Variants in NCKAP5 observed in about 807,000 individuals in gnomAD.
NCKAP5 encodes the protein nck-associated protein 5.
In NCKAP5, 92 loss-of-function variants were observed where a neutral mutation model predicts 167.0. That is an observed-to-expected ratio of 0.55 (90% CI 0.47 to 0.66). NCKAP5 has a LOEUF of 0.66. Ranked by LOEUF, NCKAP5 falls within the 30% of genes least tolerant of loss-of-function variation. The pLI is 0.00. For synonymous variants in NCKAP5, 891 were observed against 877.4 expected, an observed-to-expected ratio of 1.02 and a Z score of -0.27; for missense variants, 2,378 against 2,315.0, an observed-to-expected ratio of 1.03 and a Z score of -0.56.
rs146287759 is a variant in NCKAP5 at position 133,383,013 on chromosome 2, C to G, written c.70-79903G>C. Among the ~76,000 whole-genome samples the G allele has an allele frequency of 4.5e-4, 69 of 152,206 alleles. 1 individual carries two copies. The East Asian group carries it at 0.013, about 29-fold the overall frequency. ...CACTGATTATGCTTAAATTATTATT[C>G]ACAGCTTCCAGGCACATGTAAAAGT... On this transcript the variant is annotated intron_variant, in intron 3 of 19. Coordinates refer to ENST00000409261, the MANE Select transcript of NCKAP5 (RefSeq NM_207363.3).
chr2:133,619,533 A>G, the NCKAP5 span, among the ~76,000 whole-genome samples: 1 of 151,946 alleles, frequency 6.6e-6, no homozygotes, highest in Non-Finnish European at 1.5e-5. Flanking sequence ...CCAACCCAAC[A>G]AAGACAAAGA....
chr2:132,926,171 T>G (rs1484789229), intron 8 of NCKAP5: 1 of 383,756 alleles, frequency 2.6e-6, no homozygotes, highest in African/African-American at 2.1e-5. Context: ...GAGTTATTTC[T>G]CTTAGGATAA....
intron 19 of NCKAP5, among the ~76,000 whole-genome samples, chr2:132,719,454 G>A (rs1054807375): frequency 2.6e-5 from 4 of 152,340 alleles, no homozygotes; most frequent in African/African-American, 7.2e-5. Context: ...GTGTACCTTG[G>A]TGATTTTGGA....
chr2:133,311,737 CTG>C (rs1317093799), intron 3 of NCKAP5, among the ~76,000 whole-genome samples: 1 of 152,118 alleles, frequency 6.6e-6, no homozygotes, highest in Non-Finnish European at 1.5e-5. Context: ...TTTAGGATCT[CTG>C]TGTCAGAAAC....
chr2:132,808,540 A>C (rs772983835), intron 11 of NCKAP5, among the ~76,000 whole-genome samples: 1 of 152,082 alleles, frequency 6.6e-6, no homozygotes, highest in Non-Finnish European at 1.5e-5. Context: ...TTTCTAGTTT[A>C]TGTGCGTAAA....
chr2:132,870,820 C>T (rs1016694087), intron 9 of NCKAP5, among the ~76,000 whole-genome samples: 3 of 151,258 alleles, frequency 2.0e-5, no homozygotes, highest in Admixed American at 6.6e-5. Flanking sequence ...CAACAGCTGG[C>T]TACCAGTAAG....
At chr2:133,136,345 A>T (rs2082784961) in intron 5 of NCKAP5, among the ~76,000 whole-genome samples, 1 of 152,338 alleles carries the variant, frequency 6.6e-6, no homozygotes, top group Non-Finnish European at 1.5e-5. Context: ...ATTCAAAAAT[A>T]TGAAAAAGAA....
At chr2:133,431,157 T>C (rs973820853) in intron 3 of NCKAP5, among the ~76,000 whole-genome samples, 2 of 152,264 alleles carry the variant, frequency 1.3e-5, no homozygotes, top group South Asian at 4.1e-4. Context: ...TTCCAGACCA[T>C]GTGCTGATGA....
chr2:132,695,602 C>A (rs189946409), intron 19 of NCKAP5, among the ~76,000 whole-genome samples: 12 of 152,288 alleles, frequency 7.9e-5, no homozygotes, highest in African/African-American at 2.9e-4. Context: ...AGTCTTAATT[C>A]TACTGGCTTC....
intron 11 of NCKAP5, among the ~76,000 whole-genome samples, chr2:132,830,120 G>T (rs1470950075): frequency 6.6e-6 from 1 of 152,146 alleles, no homozygotes; most frequent in Non-Finnish European, 1.5e-5. Flanking sequence ...CATTTCTAAA[G>T]TCTGGGCATT....
In NCKAP5 at chr2:132,773,906, A is replaced by G; in HGVS notation, c.5050-12T>C. The G allele has an allele frequency of 6.2e-7, 1 of 1,604,626 alleles. No homozygotes were observed. The highest frequency in any genetic ancestry group is 8.5e-7 in the Non-Finnish European group (1 of 1,175,102). On this transcript the variant is annotated splice_polypyrimidine_tract_variant and intron_variant, in intron 15 of 19. Transcript: ENST00000409261. Reference sequence around the variant, plus strand: ...TTTGCCTCTTTTACCTGCAGGAAGAAGAAAATGATGCAAGTTCTTATTTGT... The same window carrying G: ...TTTGCCTCTTTTACCTGCAGGAAGAGGAAAATGATGCAAGTTCTTATTTGT...
intron 5 of NCKAP5, among the ~76,000 whole-genome samples, chr2:133,172,640 G>GTTT: frequency 1.3e-5 from 2 of 148,600 alleles, no homozygotes; most frequent in Middle Eastern, 3.4e-3. Flanking sequence ...CTGGCTAATC[G>GTTT]TTTTTTTTTT....
Position 133,204,376 on chromosome 2 carries a change from C to G in NCKAP5, c.207+9340G>C, listed in dbSNP as rs142459411. 2.6e-5 allele frequency among the ~76,000 whole-genome samples: 4 copies of G among 152,110 alleles called. No homozygotes were observed. The East Asian group carries it at 7.7e-4, about 29-fold the overall frequency. ...AAATGGACATAACTGAAGACTCCCCCCCATCAGAGGTATCCAAATTTGGCG... is the reference window on the plus strand; with the variant it reads ...AAATGGACATAACTGAAGACTCCCCGCCATCAGAGGTATCCAAATTTGGCG... On this transcript the variant is annotated intron_variant, in intron 5 of 19. Transcript: ENST00000409261.
At chr2:132,914,297 T>TATTAGATAACTAAAAGAGTA (rs1263707375) in intron 8 of NCKAP5, among the ~76,000 whole-genome samples, 5 of 152,262 alleles carry the variant, frequency 3.3e-5, no homozygotes, top group Admixed American at 6.5e-5. Flanking sequence ...TCTTTTTAAA[T>TATTAGATAACTAAAAGAGTA]TAATACAAAA....
At chr2:133,623,729 A>G in the NCKAP5 span, among the ~76,000 whole-genome samples, 1 of 152,150 alleles carries the variant, frequency 6.6e-6, no homozygotes, top group Non-Finnish European at 1.5e-5. Flanking sequence ...TCTGGAAAAC[A>G]GTGTGGAGAT....
At chr2:133,053,166 GC>G (rs1448563331) in intron 6 of NCKAP5, among the ~76,000 whole-genome samples, 1 of 152,182 alleles carries the variant, frequency 6.6e-6, no homozygotes, top group African/African-American at 2.4e-5. Flanking sequence ...ATTCTTCACA[GC>G]TTTTTGTCTG....
chr2:133,511,556 A>G (rs1683496538), intron 3 of NCKAP5, among the ~76,000 whole-genome samples: 1 of 152,222 alleles, frequency 6.6e-6, no homozygotes, highest in East Asian at 1.9e-4. Context: ...TTTCAGCGTG[A>G]CATTTTGGAA....
At chr2:132,786,621 AT>A (rs921890817) in intron 13 of NCKAP5, among the ~76,000 whole-genome samples, 2 of 151,886 alleles carry the variant, frequency 1.3e-5, no homozygotes, top group Admixed American at 6.6e-5. Flanking sequence ...ACATATTCAT[AT>A]TTTTTTCATA....
chr2:132,736,660 A>C (rs1409580290), intron 16 of NCKAP5, among the ~76,000 whole-genome samples: 1 of 151,496 alleles, frequency 6.6e-6, no homozygotes, highest in Non-Finnish European at 1.5e-5. Flanking sequence ...GGTGGCATGC[A>C]CCTGTAGTCC....
Sources: gnomAD v4.1 joint callset for allele counts (sites outside exome capture counted in the v4.1 genomes callset) on GRCh38, gnomAD v4.1.1 for gene constraint, MANE v1.5 for transcripts, NCBI Gene and HGNC (gene_info 2026-07-23, HGNC 2026-07-21) for gene names.